KAZN: variants seen among roughly 807,000 people sequenced by gnomAD.
The protein encoded by KAZN is kazrin.
A neutral mutation model predicts 87.4 loss-of-function variants in KAZN; 40 were observed. That is an observed-to-expected ratio of 0.46 (90% CI 0.36 to 0.60). The LOEUF (loss-of-function observed/expected upper bound fraction) is 0.60, where lower values mean the gene tolerates loss of function less well. Ranked by LOEUF, KAZN falls within the 20% of genes least tolerant of loss-of-function variation. The pLI is 0.00. For missense variants in KAZN, 898 were observed against 1,073.9 expected (o/e 0.84, Z 2.29); for synonymous variants, 466 against 458.3 (o/e 1.02, Z -0.22).
At chr1:15,075,057 A>T (rs61772203) in intron 8 of KAZN, among the ~76,000 whole-genome samples, 17,837 of 152,154 alleles carry the variant, frequency 0.12, 1,120 homozygotes, top group East Asian at 0.25. Context: ...TTCAGCAATT[A>T]GCCCAAGCTG....
chr1:14,099,529 A>T (rs750941755), intron 1 of KAZN, among the ~76,000 whole-genome samples: 6 of 152,148 alleles, frequency 3.9e-5, no homozygotes, highest in Non-Finnish European at 8.8e-5. Context: ...CCTGCCACCC[A>T]TCAGGAGGTT....
chr1:14,753,516 C>T (rs1291290825), intron 1 of KAZN, among the ~76,000 whole-genome samples: 1 of 151,908 alleles, frequency 6.6e-6, no homozygotes, highest in Non-Finnish European at 1.5e-5. Context: ...TGCTTGAGCC[C>T]AGGAGTTTGA....
intron 1 of KAZN, among the ~76,000 whole-genome samples, chr1:14,763,344 A>T (rs1644795834): frequency 6.6e-6 from 1 of 152,210 alleles, no homozygotes; most frequent in Non-Finnish European, 1.5e-5. Context: ...TTTGGTTGCA[A>T]GCATCCCACT....
chr1:14,659,017 T>C (rs968679335), intron 1 of KAZN, among the ~76,000 whole-genome samples: 2 of 152,080 alleles, frequency 1.3e-5, no homozygotes, highest in African/African-American at 4.8e-5. Context: ...GGTGGGAGGA[T>C]CACATGAGGC....
intron 2 of KAZN, among the ~76,000 whole-genome samples, chr1:14,994,267 C>T (rs77114911): frequency 1.3e-5 from 2 of 152,350 alleles, no homozygotes; most frequent in Non-Finnish European, 2.9e-5. Context: ...TGTACCACTG[C>T]ATGCAAGACC....
intron 4 of KAZN, among the ~76,000 whole-genome samples, chr1:15,044,748 AG>A (rs1673304506): frequency 6.6e-6 from 1 of 151,846 alleles, no homozygotes; most frequent in Non-Finnish European, 1.5e-5. Context: ...AAAAAAGGAA[AG>A]GAAAAAAAAT....
Position 15,059,102 on chromosome 1 carries a change from CT to C in KAZN, c.917-1055del, listed in dbSNP as rs1211831810. Among the ~76,000 whole-genome samples, 814 of 140,238 alleles carry C rather than the reference CT, an allele frequency of 5.8e-3. 2 individuals carry two copies. Among genetic ancestry groups the C allele is most frequent in the South Asian group, 7.3e-3 (32 of 4,364 alleles). The allele number at this position is 140,238 out of a possible 152,430, so 92.0% of individuals were successfully genotyped here. ...GAGAGAAATCAACAGAAAACAGGCA[CT>C]TTTTTTTTTTTTTTGGAGAGATGGA... is the stretch of plus-strand genomic sequence containing the variant. On this transcript the variant is annotated intron_variant, in intron 5 of 14. Transcript: ENST00000376030.
chr1:14,146,536 C>CAAAA (rs55928646), intron 1 of KAZN, among the ~76,000 whole-genome samples: 380 of 63,186 alleles, frequency 6.0e-3, no homozygotes, highest in Middle Eastern at 0.01. Context: ...AACTCCATCT[C>CAAAA]AAAAAAAAAA....
chr1:14,456,790 A>C (rs1667589017), intron 2 of KAZN, among the ~76,000 whole-genome samples: 1 of 152,142 alleles, frequency 6.6e-6, no homozygotes, highest in African/African-American at 2.4e-5. Flanking sequence ...TGGGTCAAAA[A>C]AATATGCAGC....
At chr1:14,892,956 T>C (rs1654876689) in intron 1 of KAZN, among the ~76,000 whole-genome samples, 1 of 152,202 alleles carries the variant, frequency 6.6e-6, no homozygotes, top group Non-Finnish European at 1.5e-5. Flanking sequence ...AAGCACCTAC[T>C]ACGTAGCAGG....
intron 2 of KAZN, among the ~76,000 whole-genome samples, chr1:14,527,549 C>CA (rs34649606): frequency 0.28 from 30,001 of 108,570 alleles, 3,532 homozygotes; most frequent in African/African-American, 0.31. Context: ...ACTCTGTCTC[C>CA]AAAAAAAAAA....
chr1:14,318,514 T>C (rs1018954134), intron 2 of KAZN, among the ~76,000 whole-genome samples: 2 of 152,074 alleles, frequency 1.3e-5, no homozygotes, highest in African/African-American at 2.4e-5. Flanking sequence ...GTAATTTGAT[T>C]AGCGTGCCTT....
Position 15,084,652 on chromosome 1 carries a change from T to C in KAZN, c.1223-9528T>C, listed in dbSNP as rs185616057. 1.3e-4 allele frequency among the ~76,000 whole-genome samples: 20 copies of C among 152,294 alleles called. 1 individual carries two copies. Among genetic ancestry groups the C allele is most frequent in the African/African-American group, 4.8e-4 (20 of 41,554 alleles). On this transcript the variant is annotated intron_variant, in intron 8 of 14. Transcript: ENST00000376030. ...CAAAGTGGAAGAACAGAGCCAGAGATGCTGTCATTCAACCAGAGTCTCTCA... is the reference window on the plus strand; with the variant it reads ...CAAAGTGGAAGAACAGAGCCAGAGACGCTGTCATTCAACCAGAGTCTCTCA...
chr1:14,324,992 T>C (rs1047628525), intron 2 of KAZN, among the ~76,000 whole-genome samples: 1 of 152,182 alleles, frequency 6.6e-6, no homozygotes, highest in Non-Finnish European at 1.5e-5. Context: ...AGGCAGCCAT[T>C]ATTCGGTCTT....
At chr1:14,438,354 AGG>A (rs1475519283) in intron 2 of KAZN, among the ~76,000 whole-genome samples, 2 of 152,234 alleles carry the variant, frequency 1.3e-5, no homozygotes, top group Admixed American at 1.3e-4. Flanking sequence ...TGTCGGGAGA[AGG>A]GGAATCAGCA....
chr1:15,020,056 G>C (rs1009688135), intron 2 of KAZN, among the ~76,000 whole-genome samples: 1 of 151,978 alleles, frequency 6.6e-6, no homozygotes, highest in Non-Finnish European at 1.5e-5. Context: ...AGCCCCAGGG[G>C]CCCTGGGGAC....
chr1:14,718,554 T>G (rs553361540), intron 1 of KAZN, among the ~76,000 whole-genome samples: 1 of 152,238 alleles, frequency 6.6e-6, no homozygotes, highest in Non-Finnish European at 1.5e-5. Context: ...TATGTGTGAT[T>G]CTCCTTTTTA....
At chr1:14,454,549 G>A (rs963507198) in intron 2 of KAZN, among the ~76,000 whole-genome samples, 1 of 152,196 alleles carries the variant, frequency 6.6e-6, no homozygotes, top group Non-Finnish European at 1.5e-5. Flanking sequence ...CCCTTGAAGA[G>A]AGGATGCATT....
At chr1:14,917,582 G>A (rs1657945968) in intron 1 of KAZN, among the ~76,000 whole-genome samples, 1 of 152,214 alleles carries the variant, frequency 6.6e-6, no homozygotes, top group Non-Finnish European at 1.5e-5. Context: ...CTCATCTCCT[G>A]AAGGCCCTTG....
Sources: gnomAD v4.1 joint callset for allele counts (sites outside exome capture counted in the v4.1 genomes callset) on GRCh38, gnomAD v4.1.1 for gene constraint, MANE v1.5 for transcripts, NCBI Gene and HGNC (gene_info 2026-07-23, HGNC 2026-07-21) for gene names.